The following GAREM1 variants were observed in gnomAD, a reference collection of about 807,000 sequenced individuals.
GAREM1 encodes GRB2-associated and regulator of MAPK protein 1.
In GAREM1, 26 loss-of-function variants were observed where a neutral mutation model predicts 71.3. That is an observed-to-expected ratio of 0.36 (90% CI 0.27 to 0.51). GAREM1 has a LOEUF of 0.51. Ranked by LOEUF, GAREM1 falls within the 20% of genes least tolerant of loss-of-function variation. The probability of loss-of-function intolerance (pLI) is 0.95; values close to 1 mark genes in which losing one functional copy is unlikely to be tolerated. For missense variants in GAREM1, 1,026 were observed against 1,103.1 expected (o/e 0.93, Z 0.99); for synonymous variants, 440 against 433.2 (o/e 1.02, Z -0.20).
At chr18:32,369,679 A>C (rs1176393813) in intron 2 of GAREM1, among the ~76,000 whole-genome samples, 1 of 152,226 alleles carries the variant, frequency 6.6e-6, no homozygotes, top group Non-Finnish European at 1.5e-5. Flanking sequence ...GTATCATTCA[A>C]GCACATTTCT....
intron 2 of GAREM1, among the ~76,000 whole-genome samples, chr18:32,314,911 G>T (rs146328831): frequency 1.3e-3 from 197 of 152,192 alleles, no homozygotes; most frequent in Non-Finnish European, 2.3e-3. Flanking sequence ...AGAAATTATA[G>T]ATTTGGAATA....
chr18:32,462,125 A>G (rs1208369922), intron 1 of GAREM1, among the ~76,000 whole-genome samples: 4 of 152,254 alleles, frequency 2.6e-5, no homozygotes, highest in African/African-American at 9.6e-5. Flanking sequence ...TCCTTTGGAT[A>G]TACACCTAGT....
At chr18:32,381,079 T>C (rs1303397481) in intron 2 of GAREM1, among the ~76,000 whole-genome samples, 1 of 152,008 alleles carries the variant, frequency 6.6e-6, no homozygotes, top group Non-Finnish European at 1.5e-5. Context: ...ATCAAATCTT[T>C]ATGGTATCAA....
chr18:32,279,177 A>ATGGTATATATAGGTATATAGG (rs1480296435), intron 4 of GAREM1, among the ~76,000 whole-genome samples: 2 of 152,246 alleles, frequency 1.3e-5, no homozygotes, highest in Non-Finnish European at 2.9e-5. Flanking sequence ...TTTTATACAA[A>ATGGTATATATAGGTATATAGG]TGGTATATAC....
chr18:32,270,063 T>C (rs1355365703), intron 5 of GAREM1, among the ~76,000 whole-genome samples, 154 bp downstream of exon 5: 1 of 152,124 alleles, frequency 6.6e-6, no homozygotes, highest in African/African-American at 2.4e-5. Context: ...AGGGGCCCCA[T>C]CATGCTCACT....
At chr18:32,382,073 G>A (rs1306018537) in intron 2 of GAREM1, among the ~76,000 whole-genome samples, 1 of 152,198 alleles carries the variant, frequency 6.6e-6, no homozygotes, top group African/African-American at 2.4e-5. Flanking sequence ...TCTCCAGGTA[G>A]TTCTCAGGCA....
rs183388858 is a variant in GAREM1 at position 32,358,713 on chromosome 18, C to T, written c.262+34182G>A. ...TCCCTCGTGAGGGAATGTCGGTTTACGTCAATCCTGGTGGCCTTATCAATA... is the reference window on the plus strand; with the variant it reads ...TCCCTCGTGAGGGAATGTCGGTTTATGTCAATCCTGGTGGCCTTATCAATA... On this transcript the variant is annotated intron_variant, in intron 2 of 5. Transcript: ENST00000269209. 7.6e-4 allele frequency among the ~76,000 whole-genome samples: 115 copies of T among 152,214 alleles called. 1 individual carries two copies. In the Middle Eastern group the frequency reaches 0.041, roughly 54 times the overall value.
chr18:32,396,950 C>T (rs376081254), intron 1 of GAREM1, among the ~76,000 whole-genome samples: 13,284 of 152,146 alleles, frequency 0.087, 658 homozygotes, highest in African/African-American at 0.13. Flanking sequence ...AGACTAACAG[C>T]GGATCTCTCG....
Position 32,287,425 on chromosome 18 carries a change from T to C in GAREM1, c.1172A>G (p.Tyr391Cys). ...ACTGTTGCCATGGAGATTGTTGCCA[T>C]ACACACAGACCGAGAGTCGGTGGAA... Reference protein sequence around the residue: ...QSFHRLSVCVYGNNLHGNSEV... With the variant: ...QSFHRLSVCVCGNNLHGNSEV... The change falls in exon 4 of 6, where the codon TAT (tyrosine) becomes TGT (cysteine). Residue 391 changes from tyrosine to cysteine, a missense_variant. By Grantham distance (194) the Tyr-to-Cys change is radical. Transcript: ENST00000269209. The surrounding 1 kb of genome is among the most constrained non-coding windows in gnomAD (Gnocchi z 5.9). 1.2e-6 allele frequency: 2 copies of C among 1,614,188 alleles called. No homozygotes were observed. The highest frequency in any genetic ancestry group is 8.5e-7 in the Non-Finnish European group (1 of 1,180,018).
At chr18:32,435,661 A>G (rs937587848) in intron 1 of GAREM1, among the ~76,000 whole-genome samples, 4 of 152,178 alleles carry the variant, frequency 2.6e-5, no homozygotes, top group African/African-American at 9.7e-5. Context: ...AGGGTTTTAG[A>G]AAATGTTGTT....
chr18:32,339,936 C>T (rs2047632925), intron 2 of GAREM1, among the ~76,000 whole-genome samples: 1 of 152,226 alleles, frequency 6.6e-6, no homozygotes, highest in Non-Finnish European at 1.5e-5. Context: ...CACCCATCCA[C>T]CACACTGGTG....
intron 2 of GAREM1, among the ~76,000 whole-genome samples, chr18:32,317,694 CTTTTTT>C (rs79726159): frequency 7.6e-6 from 1 of 131,150 alleles, no homozygotes; most frequent in Non-Finnish European, 1.6e-5. Flanking sequence ...TTCGCTGTTG[CTTTTTT>C]TTTTTTTTTT....
At chr18:32,466,529 A>C (rs1420231725) in intron 1 of GAREM1, among the ~76,000 whole-genome samples, 1 of 152,226 alleles carries the variant, frequency 6.6e-6, no homozygotes, top group Non-Finnish European at 1.5e-5. Context: ...TTAGGGACAG[A>C]GTTTCACCAA....
chr18:32,430,859 C>A (rs1450036267), intron 1 of GAREM1, among the ~76,000 whole-genome samples: 1 of 152,152 alleles, frequency 6.6e-6, no homozygotes, highest in Non-Finnish European at 1.5e-5. Context: ...CCTGTAAATG[C>A]AATTGTGGGG....
At chr18:32,276,087 T>C (rs1038038498) in intron 4 of GAREM1, among the ~76,000 whole-genome samples, 1 of 152,266 alleles carries the variant, frequency 6.6e-6, no homozygotes, top group Admixed American at 6.5e-5. Flanking sequence ...AAATCAGGAA[T>C]GCAGAGCTAA....
At chr18:32,387,575 T>C (rs182507064) in intron 2 of GAREM1, among the ~76,000 whole-genome samples, 56 of 152,336 alleles carry the variant, frequency 3.7e-4, no homozygotes, top group Non-Finnish European at 3.5e-4. Context: ...GGGTTCTCTA[T>C]TATTAGCAAA....
At chr18:32,293,629 C>T (rs1390843132) in intron 3 of GAREM1, among the ~76,000 whole-genome samples, 1 of 151,988 alleles carries the variant, frequency 6.6e-6, no homozygotes, top group Admixed American at 6.6e-5. Context: ...ATCAATAGAT[C>T]CAAATTTATA....
intron 3 of GAREM1, among the ~76,000 whole-genome samples, chr18:32,303,655 T>C (rs2047221099): frequency 6.6e-6 from 1 of 152,050 alleles, no homozygotes; most frequent in African/African-American, 2.4e-5. Flanking sequence ...TGGTGGCTCA[T>C]GCCTGTAATC....
intron 3 of GAREM1, among the ~76,000 whole-genome samples, chr18:32,298,448 C>T (rs1047819997): frequency 1.3e-5 from 2 of 151,686 alleles, no homozygotes; most frequent in African/African-American, 4.8e-5. Flanking sequence ...TAAGTGCTTC[C>T]GTATGTGTGT....
Sources: allele counts gnomAD v4.1 joint callset (sites outside exome capture counted in the v4.1 genomes callset), GRCh38; gene constraint gnomAD v4.1.1; non-coding constraint Gnocchi (gnomAD v3.1); transcripts MANE v1.5; gene names NCBI Gene and HGNC (gene_info 2026-07-23, HGNC 2026-07-21).